CDC42SE2: variants seen among roughly 807,000 people sequenced by gnomAD.
CDC42SE2 encodes the protein CDC42 small effector 2, also known as CDC42 small effector protein 2.
Under a neutral mutation model 11.5 loss-of-function variants are expected in CDC42SE2, and 3 were observed. The ratio of observed to expected loss-of-function variants is 0.26; its 90% CI spans 0.12 to 0.67. CDC42SE2 has a LOEUF of 0.67. Ranked by LOEUF, CDC42SE2 falls within the 30% of genes least tolerant of loss-of-function variation. The pLI, the probability that CDC42SE2 is intolerant of heterozygous loss-of-function variation, is 0.80. For missense variants in CDC42SE2, 82 were observed against 106.8 expected, an observed-to-expected ratio of 0.77 and a Z score of 1.02; for synonymous variants, 33 against 34.8, an observed-to-expected ratio of 0.95 and a Z score of 0.18.
chr5:131,392,627 G>C lies in CDC42SE2; in HGVS notation c.*1536G>C, dbSNP rs1052497327. The C allele has an allele frequency of 1.3e-5, 2 of 152,352 alleles. No homozygotes were observed. The highest frequency in any genetic ancestry group is 2.4e-5 in the African/African-American group (1 of 41,448). The allele number at this position is 152,352 out of a possible 1,614,324, so 9.4% of individuals were successfully genotyped here. On this transcript the variant is annotated 3_prime_UTR_variant, in exon 5 of 5. Coordinates refer to ENST00000505065, the MANE Select transcript of CDC42SE2 (RefSeq NM_001375635.1). ...TTTATTTTGAGAGCAAGGACCTGTG[G>C]TTGTAAACAGGTGTGGTTACAGGTG...
intron 1 of CDC42SE2, among the ~76,000 whole-genome samples, chr5:131,248,131 T>C (rs1403154557): frequency 1.3e-5 from 2 of 151,576 alleles, no homozygotes; most frequent in Non-Finnish European, 2.9e-5. Context: ...AGCATTCCTT[T>C]TTTTTATTTT....
chr5:131,269,750 C>T (rs916184615), intron 1 of CDC42SE2, among the ~76,000 whole-genome samples: 2 of 151,102 alleles, frequency 1.3e-5, no homozygotes, highest in African/African-American at 4.9e-5. Flanking sequence ...GGCAACAGAG[C>T]GAGACTCCAT....
intron 1 of CDC42SE2, among the ~76,000 whole-genome samples, chr5:131,311,438 A>G (rs7728762): frequency 0.76 from 113,472 of 150,234 alleles, 43,184 homozygotes; most frequent in Middle Eastern, 0.81. Context: ...TGCTCTTCTC[A>G]AGGAGTATCT....
At chr5:131,216,184 C>T in the CDC42SE2 span, among the ~76,000 whole-genome samples, 1 of 152,106 alleles carries the variant, frequency 6.6e-6, no homozygotes, top group African/African-American at 2.4e-5. Flanking sequence ...AAATAAAAGT[C>T]ATAGTCTAGG....
At chr5:131,236,093 CT>C in the CDC42SE2 span, among the ~76,000 whole-genome samples, 1 of 152,072 alleles carries the variant, frequency 6.6e-6, no homozygotes, top group African/African-American at 2.4e-5. Context: ...GAATTGTTAG[CT>C]TTTTTTCTTG....
chr5:131,321,941 C>T (rs986662817), intron 2 of CDC42SE2, among the ~76,000 whole-genome samples: 2 of 152,172 alleles, frequency 1.3e-5, no homozygotes, highest in Non-Finnish European at 2.9e-5. Context: ...AGCTCCGCCT[C>T]CCGGGTTCAT....
chr5:131,337,526 G>A (rs1036086056), intron 2 of CDC42SE2, among the ~76,000 whole-genome samples: 1 of 152,218 alleles, frequency 6.6e-6, no homozygotes, highest in Non-Finnish European at 1.5e-5. Flanking sequence ...GTCTGCAGAG[G>A]TTATTGCTGT....
the CDC42SE2 span, among the ~76,000 whole-genome samples, chr5:131,238,626 TAAAAA>T: frequency 1.3e-5 from 2 of 150,550 alleles, no homozygotes; most frequent in Non-Finnish European, 3.0e-5. Context: ...AAAATAATAA[TAAAAA>T]AGAAAAGAAA....
chr5:131,310,384 G>C (rs984745485), intron 1 of CDC42SE2, among the ~76,000 whole-genome samples: 1 of 151,634 alleles, frequency 6.6e-6, no homozygotes, highest in African/African-American at 2.4e-5. Flanking sequence ...GTCCATTTTG[G>C]AATAGGTGTG....
chr5:131,357,023 A>G (rs1199869936), intron 2 of CDC42SE2, among the ~76,000 whole-genome samples: 1 of 152,212 alleles, frequency 6.6e-6, no homozygotes, highest in Non-Finnish European at 1.5e-5. Context: ...GAGACTGTAT[A>G]TTTAAGCCTT....
At chr5:131,274,407 C>T (rs1561568271) in intron 1 of CDC42SE2, among the ~76,000 whole-genome samples, 2 of 152,210 alleles carry the variant, frequency 1.3e-5, no homozygotes. Context: ...CCTTATCTAT[C>T]TTAAAAACTG....
upstream of CDC42SE2, among the ~76,000 whole-genome samples, chr5:131,259,065 A>G (rs190968348): frequency 2.1e-4 from 32 of 152,312 alleles, no homozygotes; most frequent in Middle Eastern, 3.4e-3. Context: ...TTATTCTGAC[A>G]GTTGGTTATT....
At chr5:131,250,947 A>C (rs1756634035) in intron 1 of CDC42SE2, among the ~76,000 whole-genome samples, 1 of 152,154 alleles carries the variant, frequency 6.6e-6, no homozygotes, top group Non-Finnish European at 1.5e-5. Flanking sequence ...GCATGTCAAC[A>C]AAAGGGGGAA....
At chr5:131,363,054 G>C (rs1749755255) in intron 3 of CDC42SE2, among the ~76,000 whole-genome samples, 1 of 151,934 alleles carries the variant, frequency 6.6e-6, no homozygotes, top group East Asian at 1.9e-4. Flanking sequence ...TGAGGCAGGA[G>C]AACTGCTTGA....
At chr5:131,353,078 A>C (rs1198590319) in intron 2 of CDC42SE2, among the ~76,000 whole-genome samples, 1 of 151,826 alleles carries the variant, frequency 6.6e-6, no homozygotes, top group South Asian at 2.1e-4. Flanking sequence ...TGATCCTCCA[A>C]ACTCAGCCTT....
At chr5:131,372,806 C>G (rs1352416003) in intron 3 of CDC42SE2, among the ~76,000 whole-genome samples, 1 of 151,896 alleles carries the variant, frequency 6.6e-6, no homozygotes, top group Non-Finnish European at 1.5e-5. Flanking sequence ...TAATTGAATC[C>G]CTGCAAATGA....
rs1024099823 is a variant in CDC42SE2, at chr5:131,393,471, T to C, written c.*2380T>C. On this transcript the variant is annotated 3_prime_UTR_variant, in exon 5 of 5. Transcript: ENST00000505065. ...TCTTCGGAGTAGACATTTTGCAGTT[T>C]GTTTAATAACAACTTCTAAAGTAAG... 11 of 152,380 alleles carry C rather than the reference T, an allele frequency of 7.2e-5. No individual in the cohort carries two copies. The highest frequency in any genetic ancestry group is 1.2e-4 in the Non-Finnish European group (8 of 68,046). 9.4% of individuals were successfully genotyped at this position (152,380 alleles called of 1,614,324 possible).
chr5:131,292,906 C>CAAAAAA (rs869300653), intron 1 of CDC42SE2, among the ~76,000 whole-genome samples: 34 of 58,888 alleles, frequency 5.8e-4, no homozygotes, highest in African/African-American at 3.2e-3. Flanking sequence ...GACCCTGTCT[C>CAAAAAA]AAAAAAAAAA....
intron 3 of CDC42SE2, among the ~76,000 whole-genome samples, chr5:131,365,898 T>C (rs950743319): frequency 1.1e-4 from 16 of 152,070 alleles, no homozygotes; most frequent in South Asian, 2.1e-4. Flanking sequence ...AGGAGAATGG[T>C]GTGAACCCGG....
Sources: gnomAD v4.1 joint callset for allele counts (sites outside exome capture counted in the v4.1 genomes callset) on GRCh38, gnomAD v4.1.1 for gene constraint, MANE v1.5 for transcripts, NCBI Gene and HGNC (gene_info 2026-07-23, HGNC 2026-07-21) for gene names.